PCCA: variants seen among roughly 807,000 people sequenced by gnomAD.
PCCA encodes propionyl-CoA carboxylase alpha chain, mitochondrial.
In PCCA, 74 loss-of-function variants were observed where a neutral mutation model predicts 101.3. The ratio of observed to expected loss-of-function variants is 0.73; its 90% CI spans 0.61 to 0.89. The LOEUF (loss-of-function observed/expected upper bound fraction) is 0.89, where lower values mean the gene tolerates loss of function less well. Ranked by LOEUF, PCCA falls within the 40% of genes least tolerant of loss-of-function variation. PCCA has a pLI of 0.00. For missense variants in PCCA, 891 were observed against 907.0 expected (o/e 0.98, Z 0.23); for synonymous variants, 294 against 313.6 (o/e 0.94, Z 0.66).
intron 7 of PCCA, among the ~76,000 whole-genome samples, chr13:100,223,755 T>A (rs2059960807): frequency 6.6e-6 from 1 of 152,048 alleles, no homozygotes; most frequent in South Asian, 2.1e-4. Flanking sequence ...GCGTTTATAA[T>A]CCCTGAGCTA....
chr13:100,506,378 C>A (rs1307104310), intron 21 of PCCA, among the ~76,000 whole-genome samples: 1 of 14,496 alleles, frequency 6.9e-5, no homozygotes, highest in South Asian at 2.7e-3. Context: ...CCTTCGCGGG[C>A]GGGGGTGGGG....
At chr13:100,304,566 G>C (rs1053817051) in intron 14 of PCCA, among the ~76,000 whole-genome samples, 1 of 152,176 alleles carries the variant, frequency 6.6e-6, no homozygotes, top group African/African-American at 2.4e-5. Flanking sequence ...TTGTGCTTAG[G>C]GGGAGAGGTG....
At chr13:100,103,904 G>A (rs2047516615) in intron 2 of PCCA, among the ~76,000 whole-genome samples, 1 of 152,224 alleles carries the variant, frequency 6.6e-6, no homozygotes, top group African/African-American at 2.4e-5. Context: ...CCAAAGTGCT[G>A]GGATTACAGG....
chr13:100,179,956 A>G (rs1363457920), intron 6 of PCCA, among the ~76,000 whole-genome samples: 1 of 152,112 alleles, frequency 6.6e-6, no homozygotes, highest in Non-Finnish European at 1.5e-5. Context: ...GATATAGAGA[A>G]AGGAACTGGT....
intron 20 of PCCA, among the ~76,000 whole-genome samples, chr13:100,435,458 G>A (rs994938239): frequency 1.3e-5 from 2 of 152,216 alleles, no homozygotes; most frequent in African/African-American, 4.8e-5. Flanking sequence ...GATTAGATGA[G>A]TAAGTAGTTG....
chr13:100,222,978 C>G (rs2059911983), intron 7 of PCCA, among the ~76,000 whole-genome samples: 1 of 152,176 alleles, frequency 6.6e-6, no homozygotes, highest in Non-Finnish European at 1.5e-5. Context: ...CTTGAATCAT[C>G]CTTTTCCTTA....
chr13:100,515,075 A>T (rs1469124718), intron 21 of PCCA, among the ~76,000 whole-genome samples: 2 of 152,160 alleles, frequency 1.3e-5, no homozygotes, highest in Non-Finnish European at 2.9e-5. Flanking sequence ...TGCCCAGCTC[A>T]TGGGATTTTC....
intron 17 of PCCA, among the ~76,000 whole-genome samples, chr13:100,332,067 T>A (rs1047848497): frequency 6.6e-6 from 1 of 151,598 alleles, no homozygotes; most frequent in African/African-American, 2.4e-5. Context: ...GCGTCCCAAG[T>A]AGTTGGGATT....
chr13:100,465,668 G>A (rs2082460726), intron 21 of PCCA, among the ~76,000 whole-genome samples: 1 of 152,182 alleles, frequency 6.6e-6, no homozygotes, highest in Non-Finnish European at 1.5e-5. Context: ...AGGATGTTTA[G>A]CAGCATCCTT....
chr13:100,114,685 C>T (rs1193889942), intron 4 of PCCA, among the ~76,000 whole-genome samples: 6 of 152,038 alleles, frequency 3.9e-5, no homozygotes, highest in African/African-American at 9.7e-5. Context: ...TAAAGGTGCT[C>T]GACATTACTG....
chr13:100,230,867 A>C (rs1169655129), intron 7 of PCCA, among the ~76,000 whole-genome samples: 1 of 152,140 alleles, frequency 6.6e-6, no homozygotes, highest in Non-Finnish European at 1.5e-5. Context: ...AGTGCACATC[A>C]TAAGTAAGCA....
At chr13:100,237,320 C>CA (rs1448754390) in intron 8 of PCCA, 1 of 152,114 alleles carries the variant, frequency 6.6e-6, no homozygotes. Context: ...GTTTGCTTTG[C>CA]AAAAATCTAT....
chr13:100,439,828 T>A (rs2080209641), intron 20 of PCCA, among the ~76,000 whole-genome samples: 1 of 152,142 alleles, frequency 6.6e-6, no homozygotes, highest in African/African-American at 2.4e-5. Context: ...TTTGAAAATA[T>A]CTTGAGATCC....
intron 17 of PCCA, among the ~76,000 whole-genome samples, chr13:100,331,934 ATT>A (rs34411352): frequency 0.021 from 1,857 of 89,786 alleles, 40 homozygotes; most frequent in African/African-American, 0.076. Context: ...ATTACTTTGG[ATT>A]TTTTTTTTTT....
chr13:100,095,095 C>CA (rs2046647907), intron 1 of PCCA, among the ~76,000 whole-genome samples: 1 of 152,196 alleles, frequency 6.6e-6, no homozygotes. Flanking sequence ...CTGGTGGCTG[C>CA]ATTCATTCCT....
intron 21 of PCCA, among the ~76,000 whole-genome samples, chr13:100,483,123 A>G (rs2084081888): frequency 6.6e-6 from 1 of 152,194 alleles, no homozygotes; most frequent in Non-Finnish European, 1.5e-5. Flanking sequence ...AAAAGGAAAA[A>G]AAGAATGGGG....
At chr13:100,512,958 TAGC>T (rs911072005) in intron 21 of PCCA, among the ~76,000 whole-genome samples, 175 of 152,308 alleles carry the variant, frequency 1.1e-3, no homozygotes, top group African/African-American at 3.9e-3. Flanking sequence ...TGCTAGTAAA[TAGC>T]AGTTTTGATC....
chr13:100,406,595 T>C (rs916076022), intron 19 of PCCA, among the ~76,000 whole-genome samples: 4 of 152,116 alleles, frequency 2.6e-5, no homozygotes, highest in African/African-American at 9.7e-5. Flanking sequence ...TCCCAGCTAC[T>C]CAGGAGGCTG....
chr13:100,247,221 T>G (rs796970867), intron 8 of PCCA, among the ~76,000 whole-genome samples: 16 of 146,888 alleles, frequency 1.1e-4, no homozygotes, highest in African/African-American at 3.8e-4. Context: ...GTGGGTTTTT[T>G]TTTTTTTTTT....
Sources: allele counts gnomAD v4.1 joint callset (sites outside exome capture counted in the v4.1 genomes callset), GRCh38; gene constraint gnomAD v4.1.1; transcripts MANE v1.5; gene names NCBI Gene and HGNC (gene_info 2026-07-23, HGNC 2026-07-21).